SYT14: variants seen among roughly 807,000 people sequenced by gnomAD.
The protein encoded by SYT14 is synaptotagmin 14.
A neutral mutation model predicts 74.2 loss-of-function variants in SYT14; 32 were observed. The observed-to-expected ratio is 0.43, with a 90% CI of 0.33 to 0.58. SYT14 has a LOEUF of 0.58. SYT14 is among the 20% of genes least tolerant of loss of function. SYT14 has a pLI of 0.05. For missense variants in SYT14, 791 were observed against 981.8 expected (o/e 0.81, Z 2.60); for synonymous variants, 298 against 337.7 (o/e 0.88, Z 1.29).
chr1:210,077,234 G>T (rs1247314611), intron 5 of SYT14, among the ~76,000 whole-genome samples: 21 of 152,158 alleles, frequency 1.4e-4, no homozygotes, highest in Non-Finnish European at 8.8e-5. Context: ...GCAGGAGCAA[G>T]AGAGAGTCGG....
At chr1:210,102,096 A>AT (rs943466289) in intron 7 of SYT14, among the ~76,000 whole-genome samples, 4 of 151,900 alleles carry the variant, frequency 2.6e-5, no homozygotes, top group Admixed American at 1.3e-4. Flanking sequence ...CATAACATTT[A>AT]TTTTTTTTAA....
chr1:209,990,781 A>G (rs1225292972), intron 2 of SYT14, among the ~76,000 whole-genome samples: 2 of 151,754 alleles, frequency 1.3e-5, no homozygotes, highest in African/African-American at 2.4e-5. Flanking sequence ...TAGTAAATAC[A>G]GAGTAATCAT....
At chr1:210,053,110 A>G (rs1417786887) in intron 5 of SYT14, among the ~76,000 whole-genome samples, 6 of 152,214 alleles carry the variant, frequency 3.9e-5, no homozygotes, top group African/African-American at 9.6e-5. Flanking sequence ...TACAATATCA[A>G]TATAGATCAA....
At chr1:210,087,090 T>C (rs1427278188) in intron 5 of SYT14, among the ~76,000 whole-genome samples, 2 of 152,164 alleles carry the variant, frequency 1.3e-5, no homozygotes, top group African/African-American at 4.8e-5. Flanking sequence ...CGAGGTCAGC[T>C]TGCCCCACAT....
intron 2 of SYT14, among the ~76,000 whole-genome samples, chr1:209,967,083 T>C (rs752195597): frequency 5.3e-5 from 8 of 152,222 alleles, no homozygotes; most frequent in Admixed American, 4.6e-4. Flanking sequence ...TCTACTGATA[T>C]CATATGATTT....
At chr1:210,141,544 A>G (rs1017201715) in intron 7 of SYT14, among the ~76,000 whole-genome samples, 11 of 152,192 alleles carry the variant, frequency 7.2e-5, no homozygotes, top group Non-Finnish European at 1.5e-4. Context: ...ATTCTCCTAG[A>G]CTAGTCGCCC....
At chr1:210,141,580 G>T (rs1451671879) in intron 7 of SYT14, among the ~76,000 whole-genome samples, 2 of 152,112 alleles carry the variant, frequency 1.3e-5, no homozygotes, top group Non-Finnish European at 2.9e-5. Context: ...GCTGTTTGTT[G>T]TTGTCATTCC....
chr1:209,944,003 G>T (rs1298140821), intron 1 of SYT14, among the ~76,000 whole-genome samples: 2 of 152,086 alleles, frequency 1.3e-5, no homozygotes, highest in African/African-American at 4.8e-5. Context: ...ATTTCTAAGA[G>T]CCACACATAT....
chr1:210,048,324 T>G lies in SYT14; in HGVS notation c.1312+27070T>G, dbSNP rs79747252. Among the ~76,000 whole-genome samples the G allele has an allele frequency of 2.8e-3, 420 of 152,270 alleles. 10 individuals are homozygous for G. The East Asian group carries it at 0.038, about 14-fold the overall frequency. ...TATTAGTCCATTTTCACACCACTGA[T>G]AAAGACATACCCAAGACTGGGCAAT... is the stretch of plus-strand genomic sequence containing the variant. On this transcript the variant is annotated intron_variant, in intron 5 of 9. Coordinates refer to ENST00000637265, the Ensembl canonical transcript of SYT14.
chr1:210,090,938 A>C (rs1327233231), intron 5 of SYT14, among the ~76,000 whole-genome samples: 2 of 152,188 alleles, frequency 1.3e-5, no homozygotes, highest in Non-Finnish European at 1.5e-5. Context: ...TTAAAAAATA[A>C]AATGCAAAAA....
chr1:210,132,460 A>T (rs1373519355), intron 7 of SYT14, among the ~76,000 whole-genome samples: 1 of 152,018 alleles, frequency 6.6e-6, no homozygotes, highest in Non-Finnish European at 1.5e-5. Flanking sequence ...AACTTGTGTC[A>T]TAGGGGTTTA....
At position 210,021,023 on chromosome 1, in the gene SYT14, A is replaced by C. The variant is rs755884141; in HGVS notation, c.1097-16A>C. The stretch of plus-strand genomic sequence containing the variant: ...TTTTTTCAATTACCGTTTGTTCTTC[A>C]TGTCATTCCAAATAGATAATTCCTA... On this transcript the variant is annotated splice_polypyrimidine_tract_variant and intron_variant, in intron 4 of 9. Coordinates refer to ENST00000637265, the Ensembl canonical transcript of SYT14. The C allele has an allele frequency of 1.6e-5, 26 of 1,612,114 alleles. No homozygotes were observed. The South Asian group carries it at 2.6e-4, about 16-fold the overall frequency.
At chr1:210,087,261 C>G (rs1006092057) in intron 5 of SYT14, among the ~76,000 whole-genome samples, 8 of 152,204 alleles carry the variant, frequency 5.3e-5, no homozygotes, top group South Asian at 2.1e-4. Flanking sequence ...TGCTTAGGCT[C>G]TAGTATCCCG....
In SYT14 at chr1:209,984,366, C is replaced by T. The variant is rs139976841; in HGVS notation, c.-485-29267C>T. Among the ~76,000 whole-genome samples, 315 of 152,268 alleles carry T rather than the reference C, an allele frequency of 2.1e-3. 1 individual carries two copies. The highest frequency in any genetic ancestry group is 6.9e-3 in the African/African-American group (285 of 41,534). ...CACATCCCTCGTTGCTCTAATTGTCCAACAAGGTTCCAGAGTTTTGAAATA... is the reference window on the plus strand; with the variant it reads ...CACATCCCTCGTTGCTCTAATTGTCTAACAAGGTTCCAGAGTTTTGAAATA... On this transcript the variant is annotated intron_variant, in intron 2 of 9. Transcript: ENST00000637265.
chr1:210,056,056 G>A (rs1351689806), intron 5 of SYT14, among the ~76,000 whole-genome samples: 1 of 152,010 alleles, frequency 6.6e-6, no homozygotes, highest in African/African-American at 2.4e-5. Flanking sequence ...TACAGTTAGA[G>A]GCAAACTTTA....
At chr1:210,163,540 C>T (rs1302091304) in exon 10 of SYT14, 1 of 453,376 alleles carries the variant, frequency 2.2e-6, no homozygotes, top group East Asian at 6.9e-5. Flanking sequence ...CTGGCTTTTT[C>T]AGATAACTGA....
At chr1:210,059,559 G>A (rs2081170807) in intron 5 of SYT14, among the ~76,000 whole-genome samples, 1 of 151,176 alleles carries the variant, frequency 6.6e-6, no homozygotes, top group Non-Finnish European at 1.5e-5. Context: ...AGAGTTGTGG[G>A]CCCTAGGATG....
At chr1:209,994,776 G>T (rs926076266) in intron 2 of SYT14, among the ~76,000 whole-genome samples, 1 of 152,168 alleles carries the variant, frequency 6.6e-6, no homozygotes. Flanking sequence ...ACCTCATTAG[G>T]TTAGCAGCAG....
At chr1:210,054,063 T>G (rs2081050688) in intron 5 of SYT14, among the ~76,000 whole-genome samples, 1 of 152,144 alleles carries the variant, frequency 6.6e-6, no homozygotes. Flanking sequence ...ACTAATAGTG[T>G]TGCTATTTTG....
Sources: gnomAD v4.1 joint callset for allele counts (sites outside exome capture counted in the v4.1 genomes callset) on GRCh38, gnomAD v4.1.1 for gene constraint, MANE v1.5 for transcripts, NCBI Gene and HGNC (gene_info 2026-07-23, HGNC 2026-07-21) for gene names.